SKIC2: variants seen among roughly 807,000 people sequenced by gnomAD.
SKIC2 encodes SKI2 subunit of superkiller complex.
the SKIC2 span, chr6:31,961,645 C>T: frequency 1.2e-6 from 2 of 1,612,906 alleles, no homozygotes; most frequent in Non-Finnish European, 1.7e-6. Flanking sequence ...TTGGTGATTT[C>T]TATCGCCTCA....
chr6:31,964,282 C>T, the SKIC2 span: 29 of 1,612,926 alleles, frequency 1.8e-5, no homozygotes, highest in Admixed American at 3.3e-5. The surrounding 1 kb of genome is among the most constrained non-coding windows in gnomAD (Gnocchi z 5.0). Context: ...TGCACCATAG[C>T]GGCATCCTGC....
chr6:31,968,185 G>A, the SKIC2 span: 1 of 1,536,788 alleles, frequency 6.5e-7, no homozygotes. This position sits in a 1 kb window ranked among gnomAD's most constrained non-coding sequence, Gnocchi z 6.1. Flanking sequence ...ACCATGAAGT[G>A]GTGGGGTTGT....
chr6:31,966,072 T>A, the SKIC2 span: 2 of 1,101,790 alleles, frequency 1.8e-6, no homozygotes, highest in Non-Finnish European at 2.6e-6. This position sits in a 1 kb window ranked among gnomAD's most constrained non-coding sequence, Gnocchi z 5.9. Context: ...GGATTCTGTC[T>A]TCGATTCTCC....
the SKIC2 span, chr6:31,969,038 C>G: frequency 6.2e-7 from 1 of 1,612,454 alleles, no homozygotes; most frequent in Non-Finnish European, 8.5e-7. The surrounding 1 kb of genome is among the most constrained non-coding windows in gnomAD (Gnocchi z 6.1). Flanking sequence ...CTGGCCTGGT[C>G]TGCCAGAGCC....
chr6:31,967,271 A>G, the SKIC2 span: 2 of 1,612,806 alleles, frequency 1.2e-6, no homozygotes, highest in Non-Finnish European at 1.7e-6. This position sits in a 1 kb window ranked among gnomAD's most constrained non-coding sequence, Gnocchi z 4.9. Flanking sequence ...TTTGCTCTTC[A>G]GCGACGCATC....
chr6:31,962,436 C>G, the SKIC2 span: 1 of 1,614,044 alleles, frequency 6.2e-7, no homozygotes, highest in Non-Finnish European at 8.5e-7. This position sits in a 1 kb window ranked among gnomAD's most constrained non-coding sequence, Gnocchi z 5.0. Context: ...GCTCTCTTCC[C>G]AGCACCATCT....
At chr6:31,961,273 G>T in the SKIC2 span, 1 of 1,611,250 alleles carries the variant, frequency 6.2e-7, no homozygotes, top group Non-Finnish European at 8.5e-7. Flanking sequence ...GGGTGACGAG[G>T]ATGAGAATGA....
the SKIC2 span, chr6:31,968,732 G>A: frequency 1.2e-5 from 19 of 1,612,854 alleles, no homozygotes; most frequent in Middle Eastern, 1.6e-4. This position sits in a 1 kb window ranked among gnomAD's most constrained non-coding sequence, Gnocchi z 6.1. Context: ...GAGATGGAGC[G>A]GCTGCGCTTC....
chr6:31,966,762 C>T, the SKIC2 span: 2 of 1,614,162 alleles, frequency 1.2e-6, no homozygotes, highest in South Asian at 2.2e-5. The surrounding 1 kb of genome is among the most constrained non-coding windows in gnomAD (Gnocchi z 5.9). Context: ...CTATGATCCT[C>T]AACTTGCTGC....
At chr6:31,968,843 T>C in the SKIC2 span, 1 of 1,610,300 alleles carries the variant, frequency 6.2e-7, no homozygotes, top group Non-Finnish European at 8.5e-7. This position sits in a 1 kb window ranked among gnomAD's most constrained non-coding sequence, Gnocchi z 6.1. Context: ...GACAGCAGTG[T>C]GTCCAATGCC....
chr6:31,965,384 G>A, the SKIC2 span, among the ~76,000 whole-genome samples: 28,610 of 151,916 alleles, frequency 0.19, 3,477 homozygotes, highest in African/African-American at 0.34. The surrounding 1 kb of genome is among the most constrained non-coding windows in gnomAD (Gnocchi z 5.6). Flanking sequence ...AACATGGACA[G>A]ATGTTGAAAC....
chr6:31,967,557 C>T, the SKIC2 span, among the ~76,000 whole-genome samples: 1 of 152,114 alleles, frequency 6.6e-6, no homozygotes, highest in Admixed American at 6.5e-5. The surrounding 1 kb of genome is among the most constrained non-coding windows in gnomAD (Gnocchi z 4.9). Context: ...CCCACCACCC[C>T]AAGAAGTCTG....
chr6:31,964,907 C>G, the SKIC2 span, among the ~76,000 whole-genome samples: 15 of 152,180 alleles, frequency 9.9e-5, no homozygotes, highest in South Asian at 2.1e-4. The surrounding 1 kb of genome is among the most constrained non-coding windows in gnomAD (Gnocchi z 5.0). Flanking sequence ...ATCACAAGGT[C>G]AAGAGATCGA....
At chr6:31,959,839 C>T in the SKIC2 span, 35 of 604,954 alleles carry the variant, frequency 5.8e-5, no homozygotes, top group Non-Finnish European at 3.5e-5. Flanking sequence ...TTCTGAAATC[C>T]AAAATCTGCC....
chr6:31,961,112 A>T, the SKIC2 span: 1 of 1,611,942 alleles, frequency 6.2e-7, no homozygotes, highest in Admixed American at 1.7e-5. Flanking sequence ...TTAGTTTTTG[A>T]GTGGGGTGTA....
chr6:31,962,373 T>C, the SKIC2 span: 796 of 1,554,970 alleles, frequency 5.1e-4, 6 homozygotes, highest in Middle Eastern at 8.7e-3. The surrounding 1 kb of genome is among the most constrained non-coding windows in gnomAD (Gnocchi z 5.0). Context: ...GAGGGCTCCA[T>C]GTGGGAGAGG....
chr6:31,967,422 A>T, the SKIC2 span: 1 of 1,444,264 alleles, frequency 6.9e-7, no homozygotes, highest in Non-Finnish European at 9.7e-7. This position sits in a 1 kb window ranked among gnomAD's most constrained non-coding sequence, Gnocchi z 4.9. Context: ...GGAGGGAGCA[A>T]GCCCTCTCTC....
At chr6:31,968,093 C>A in the SKIC2 span, 1 of 1,612,422 alleles carries the variant, frequency 6.2e-7, no homozygotes, top group Non-Finnish European at 8.5e-7. This position sits in a 1 kb window ranked among gnomAD's most constrained non-coding sequence, Gnocchi z 6.1. Context: ...GTCAGAGATG[C>A]TAGGGAGGCC....
the SKIC2 span, chr6:31,959,633 T>C: frequency 1.8e-6 from 1 of 554,968 alleles, no homozygotes; most frequent in Non-Finnish European, 3.2e-6. Flanking sequence ...AATGTGGCAT[T>C]TCTCCGTGGA....
Sources: allele counts gnomAD v4.1 joint callset (sites outside exome capture counted in the v4.1 genomes callset), GRCh38; gene constraint gnomAD v4.1.1; non-coding constraint Gnocchi (gnomAD v3.1); transcripts MANE v1.5; gene names NCBI Gene and HGNC (gene_info 2026-07-23, HGNC 2026-07-21).